The following MEI1 variants were observed in gnomAD, a reference collection of about 807,000 sequenced individuals.
MEI1 encodes meiotic double-stranded break formation protein 1.
A neutral mutation model predicts 146.2 loss-of-function variants in MEI1; 103 were observed. The observed-to-expected ratio is 0.70, with a 90% confidence interval of 0.60 to 0.83. The LOEUF is 0.83. Among genes scored for constraint, MEI1 ranks in the 40% least tolerant of loss-of-function variants. The pLI, the probability that MEI1 is intolerant of heterozygous loss-of-function variation, is 0.00. For missense variants in MEI1, 1,529 were observed against 1,533.0 expected, an observed-to-expected ratio of 1.00 and a Z score of 0.04; for synonymous variants, 652 against 628.2, an observed-to-expected ratio of 1.04 and a Z score of -0.57.
chr22:41,763,056 G>A (rs2074600884), intron 18 of MEI1, 118 bp from the exon 19 acceptor site: 1 of 1,032,390 alleles, frequency 9.7e-7, no homozygotes, highest in Non-Finnish European at 1.4e-6. Flanking sequence ...GATGTCATTA[G>A]GCTGTGGGCA....
chr22:41,764,114 C>T (rs940335451), intron 19 of MEI1, among the ~76,000 whole-genome samples: 6 of 152,016 alleles, frequency 3.9e-5, no homozygotes, highest in African/African-American at 7.2e-5. Flanking sequence ...GCGCCCGCCA[C>T]CACACCCGGC....
chr22:41,720,129 A>G (rs2070627765), intron 6 of MEI1, among the ~76,000 whole-genome samples: 3 of 152,168 alleles, frequency 2.0e-5, no homozygotes. Flanking sequence ...GGAGGTGCAC[A>G]GCAGAGGGTA....
chr22:41,763,760 C>CA (rs2074662468), intron 19 of MEI1, among the ~76,000 whole-genome samples: 3 of 150,714 alleles, frequency 2.0e-5, no homozygotes, highest in Admixed American at 6.6e-5. Flanking sequence ...CTTGTCTCTA[C>CA]AAAATATTAA....
At chr22:41,767,503 G>A (rs1168288201) in intron 19 of MEI1, 3 of 450,548 alleles carry the variant, frequency 6.7e-6, no homozygotes, top group Non-Finnish European at 1.3e-5. Context: ...TAGCCAGAGT[G>A]TGGGTGTCTC....
In MEI1 at chr22:41,748,223, G is replaced by A. The variant is rs773804432; in HGVS notation, c.1792+5G>A. The stretch of plus-strand genomic sequence containing the variant: ...AGAAGTTTTCCAAGAAGCTTGGTAG[G>A]CAGCAGGCAAATGTGGAGGTTGGGA... On this transcript the variant is annotated splice_donor_5th_base_variant and intron_variant, in intron 15 of 30. Transcript: ENST00000401548. The A allele has an allele frequency of 5.6e-6, 9 of 1,595,152 alleles. No individual in the cohort carries two copies. Among genetic ancestry groups the A allele is most frequent in the Non-Finnish European group, 7.7e-6 (9 of 1,162,864 alleles).
Position 41,717,977 on chromosome 22 carries a change from C to A in MEI1, c.530-94C>A, listed in dbSNP as rs935573826. ...TTTTGTGGGGGATTATAGGGACTTA[C>A]CATTACTACCCCGTTAGGAATAATA... On this transcript the variant is annotated intron_variant, in intron 5 of 30. Transcript: ENST00000401548. The A allele has an allele frequency of 4.7e-6, 5 of 1,061,416 alleles. No individual in the cohort carries two copies. The African/African-American group carries it at 6.4e-5, about 13-fold the overall frequency. The allele number at this position is 1,061,416 out of a possible 1,614,324, so 65.7% of individuals were successfully genotyped here. A position where few individuals can be genotyped will look rare whatever the true frequency, so the allele number is the denominator to read the frequency against.
At chr22:41,780,754 G>A (rs990704749) in intron 22 of MEI1, among the ~76,000 whole-genome samples, 13 of 151,842 alleles carry the variant, frequency 8.6e-5, no homozygotes, top group African/African-American at 3.1e-4. Flanking sequence ...CTAATTTTTT[G>A]TATTTTTTTG....
intron 2 of MEI1, among the ~76,000 whole-genome samples, chr22:41,705,176 C>CT (rs368574546): frequency 0.037 from 5,118 of 138,716 alleles, 104 homozygotes; most frequent in Admixed American, 0.074. Context: ...TTAACCACTC[C>CT]TTTTTTTTTT....
In MEI1 at chr22:41,781,369, G is replaced by C; in HGVS notation, c.2901G>C (p.Gln967His). 6.2e-7 allele frequency: 1 copy of C among 1,613,396 alleles called. No homozygotes were observed. Among genetic ancestry groups the C allele is most frequent in the Non-Finnish European group, 8.5e-7 (1 of 1,179,722 alleles). The change falls in exon 23 of 31, where the codon CAG (glutamine) becomes CAC (histidine). Residue 967 changes from glutamine to histidine, a missense_variant. This residue lies in a region of MEI1 where 1,212 missense variants were observed against 1,178.9 expected (regional missense o/e 1.03). Transcript: ENST00000401548. Reference protein sequence around the residue: ...SFNFLYWSLHQTTPSSQKRAA... With the variant: ...SFNFLYWSLHHTTPSSQKRAA... The stretch of plus-strand genomic sequence containing the variant: ...ACTTCCTGTATTGGAGCCTTCATCA[G>C]ACCACACCCAGCAGTCAGAAAAGAG...
chr22:41,727,646 G>A (rs1765074961), intron 7 of MEI1, among the ~76,000 whole-genome samples: 1 of 152,108 alleles, frequency 6.6e-6, no homozygotes, highest in South Asian at 2.1e-4. Context: ...TTTGCTAGGA[G>A]GACTCATAGG....
intron 11 of MEI1, among the ~76,000 whole-genome samples, chr22:41,738,017 T>TA (rs1171901729): frequency 1.4e-4 from 22 of 152,308 alleles, no homozygotes; most frequent in African/African-American, 5.3e-4. Flanking sequence ...ATTCAAATAA[T>TA]ACAAAACAAA....
At chr22:41,727,384 A>G (rs188679636) in intron 7 of MEI1, among the ~76,000 whole-genome samples, 27 of 152,290 alleles carry the variant, frequency 1.8e-4, no homozygotes, top group Non-Finnish European at 7.4e-5. Flanking sequence ...CATCCCTAAT[A>G]GCTATGGTGA....
intron 15 of MEI1, among the ~76,000 whole-genome samples, chr22:41,748,732 G>A (rs1163064915): frequency 6.6e-6 from 1 of 151,932 alleles, no homozygotes; most frequent in Admixed American, 6.6e-5. Flanking sequence ...GAGAGGTTAA[G>A]TAACTTGCCT....
chr22:41,756,784 T>A (rs1242406324), intron 17 of MEI1, among the ~76,000 whole-genome samples: 1 of 152,250 alleles, frequency 6.6e-6, no homozygotes, highest in Non-Finnish European at 1.5e-5. Flanking sequence ...TTCTTTCCTG[T>A]TCTTTTGGTA....
intron 4 of MEI1, among the ~76,000 whole-genome samples, chr22:41,714,719 A>C (rs2069930190): frequency 6.9e-6 from 1 of 144,864 alleles, no homozygotes; most frequent in Non-Finnish European, 1.5e-5. Flanking sequence ...AAAAATACAA[A>C]AAAAAAAAAA....
chr22:41,748,043 C>G, intron 14 of MEI1, 64 bp from the exon 15 acceptor site: 1 of 1,105,648 alleles, frequency 9.0e-7, no homozygotes, highest in East Asian at 2.4e-5. Context: ...TGAGTTTTCT[C>G]TGATGCCTTT....
chr22:41,760,742 C>G (rs887961235), intron 18 of MEI1, among the ~76,000 whole-genome samples: 3 of 152,172 alleles, frequency 2.0e-5, no homozygotes, highest in Admixed American at 6.5e-5. Flanking sequence ...TTTGAGCAAG[C>G]AAGGGGTACG....
chr22:41,782,679 A>G (rs905463919), intron 24 of MEI1, among the ~76,000 whole-genome samples: 1 of 152,212 alleles, frequency 6.6e-6, no homozygotes, highest in African/African-American at 2.4e-5. Flanking sequence ...TGGCAAATCT[A>G]TGCTCTGGCA....
chr22:41,720,201 G>C lies in MEI1; in HGVS notation c.733+1927G>C, dbSNP rs6002451. On this transcript the variant is annotated intron_variant, in intron 6 of 30. Transcript: ENST00000401548. ...ATGCCTGGACTGAGTCCTAAATTGGGGGGGAGAGGAGGAAGGCAGAAACAC... is the reference window on the plus strand; with the variant it reads ...ATGCCTGGACTGAGTCCTAAATTGGCGGGGAGAGGAGGAAGGCAGAAACAC... Among the ~76,000 whole-genome samples, 202 of 152,208 alleles carry C rather than the reference G, an allele frequency of 1.3e-3. 2 individuals are homozygous for C. Among genetic ancestry groups the C allele is most frequent in the African/African-American group, 4.8e-3 (198 of 41,538 alleles).
Sources: gnomAD v4.1 joint callset for allele counts (sites outside exome capture counted in the v4.1 genomes callset) on GRCh38, gnomAD v4.1.1 for gene constraint, gnomAD v4.1.1 regional missense constraint, MANE v1.5 for transcripts, NCBI Gene and HGNC (gene_info 2026-07-23, HGNC 2026-07-21) for gene names.